MAP4K4: variants seen among roughly 807,000 people sequenced by gnomAD.
MAP4K4 encodes mitogen-activated protein kinase kinase kinase kinase 4, also known as HPK/GCK-like kinase HGK.
Under a neutral mutation model 189.6 loss-of-function variants are expected in MAP4K4, and 38 were observed. The observed-to-expected ratio is 0.20, with a 90% confidence interval of 0.15 to 0.26. The LOEUF (loss-of-function observed/expected upper bound fraction) is 0.26. Among genes scored for constraint, MAP4K4 ranks in the 10% least tolerant of loss-of-function variants. The pLI is 1.00. For missense variants in MAP4K4, 1,054 were observed against 1,726.9 expected (o/e 0.61, Z 6.91); for synonymous variants, 610 against 624.3 (o/e 0.98, Z 0.34).
rs531443118 is a variant in MAP4K4 at position 101,741,974 on chromosome 2, A to G, written c.123+43436A>G. 2.7e-4 allele frequency among the ~76,000 whole-genome samples: 41 copies of G among 152,194 alleles called. No individual in the cohort carries two copies. In the East Asian group the frequency reaches 8.0e-3, roughly 30 times the overall value. On this transcript the variant is annotated intron_variant, in intron 2 of 32. Transcript: ENST00000324219. Reference sequence around the variant, plus strand: ...TGCTAGATAGTGCGGCTGAAAGGTGAGTGTGTGTTTGTAGATGGTTTAGTG... The same window carrying G: ...TGCTAGATAGTGCGGCTGAAAGGTGGGTGTGTGTTTGTAGATGGTTTAGTG...
intron 2 of MAP4K4, among the ~76,000 whole-genome samples, chr2:101,729,301 C>T (rs2057346408): frequency 6.6e-6 from 1 of 152,060 alleles, no homozygotes. Flanking sequence ...GTGGACAGTG[C>T]TCCGTAGTAC....
intron 3 of MAP4K4, among the ~76,000 whole-genome samples, chr2:101,814,541 A>G (rs1576091441): frequency 6.6e-6 from 1 of 152,232 alleles, no homozygotes; most frequent in Non-Finnish European, 1.5e-5. Context: ...ATGATCCACA[A>G]TGAAGAGAAT....
intron 2 of MAP4K4, among the ~76,000 whole-genome samples, chr2:101,782,131 A>G (rs552680089): frequency 6.6e-6 from 1 of 152,368 alleles, no homozygotes; most frequent in South Asian, 2.1e-4. Flanking sequence ...CAGGGTTTAG[A>G]AAGATTTCCA....
intron 2 of MAP4K4, among the ~76,000 whole-genome samples, chr2:101,704,771 G>A (rs1166784919): frequency 6.6e-6 from 1 of 151,358 alleles, no homozygotes; most frequent in East Asian, 1.9e-4. Context: ...TATTGGCCAG[G>A]CTGGTCTCGA....
At chr2:101,847,589 A>G (rs1388849832) in intron 12 of MAP4K4, among the ~76,000 whole-genome samples, 1 of 152,252 alleles carries the variant, frequency 6.6e-6, no homozygotes, top group African/African-American at 2.4e-5. Context: ...AAACATTTTA[A>G]TTAGGAAAAA....
chr2:101,877,437 G>A (rs2150134443), intron 27 of MAP4K4, among the ~76,000 whole-genome samples: 1 of 150,098 alleles, frequency 6.7e-6, no homozygotes, highest in East Asian at 2.0e-4. Flanking sequence ...CATTTGCCTT[G>A]TCCAATATGT....
At chr2:101,794,565 A>G (rs1422730688) in intron 3 of MAP4K4, among the ~76,000 whole-genome samples, 2 of 152,236 alleles carry the variant, frequency 1.3e-5, no homozygotes, top group South Asian at 2.1e-4. Flanking sequence ...GTTATTGAAA[A>G]TAATTACAGC....
At chr2:101,757,679 T>G (rs915934744) in intron 2 of MAP4K4, among the ~76,000 whole-genome samples, 12 of 152,180 alleles carry the variant, frequency 7.9e-5, no homozygotes, top group African/African-American at 2.9e-4. Context: ...AAAATTTAAT[T>G]TGTAAGTTAG....
At chr2:101,882,772 A>C (rs1476494272) in intron 28 of MAP4K4, 87 bp downstream of exon 28, 1 of 1,308,812 alleles carries the variant, frequency 7.6e-7, no homozygotes, top group African/African-American at 1.5e-5. Flanking sequence ...GGTTTTTTGA[A>C]GTTTGTAATA....
chr2:101,888,869 C>T lies in MAP4K4; in HGVS notation c.4005C>T (p.His1335=), dbSNP rs1292676850. The change falls in exon 32 of 33, where the codon CAC becomes CAT. Residue 1335 remains histidine, a synonymous_variant. Coordinates refer to ENST00000324219, the Ensembl canonical transcript of MAP4K4. ...AGATCCGATCTGTGGAAACTGGTCA[C>T]TTGGATGGTGTGTTCATGCACAAAA... 3 of 1,613,550 alleles carry T rather than the reference C, an allele frequency of 1.9e-6. No individual in the cohort carries two copies. The African/African-American group carries it at 4.0e-5, about 22-fold the overall frequency.
chr2:101,818,826 G>A (rs1467541228), intron 3 of MAP4K4, among the ~76,000 whole-genome samples: 1 of 152,140 alleles, frequency 6.6e-6, no homozygotes, highest in South Asian at 2.1e-4. Flanking sequence ...GCTTCCACTG[G>A]TTAAAGTCCA....
chr2:101,707,781 C>T (rs1031613681), intron 2 of MAP4K4, among the ~76,000 whole-genome samples: 2 of 150,910 alleles, frequency 1.3e-5, no homozygotes, highest in African/African-American at 2.4e-5. Flanking sequence ...AGTTCTGCCT[C>T]CCGGGTTCAC....
chr2:101,885,059 C>CT, intron 28 of MAP4K4, 128 bp from the exon 29 acceptor site: 1 of 461,264 alleles, frequency 2.2e-6, no homozygotes, highest in Non-Finnish European at 3.9e-6. Flanking sequence ...TGAATTTTTC[C>CT]CCTGCTTGTT....
chr2:101,881,253 C>T (rs1285309970), intron 27 of MAP4K4, among the ~76,000 whole-genome samples: 3 of 152,070 alleles, frequency 2.0e-5, no homozygotes, highest in Non-Finnish European at 2.9e-5. Flanking sequence ...GTGTTGTAGT[C>T]TTAATTTCAA....
intron 3 of MAP4K4, among the ~76,000 whole-genome samples, chr2:101,812,869 T>C (rs1448765882): frequency 6.6e-6 from 1 of 152,220 alleles, no homozygotes; most frequent in East Asian, 1.9e-4. Context: ...GGCTCACGCC[T>C]GTAATCCCAG....
chr2:101,870,540 G>T, intron 23 of MAP4K4, 125 bp downstream of exon 23: 1 of 1,358,554 alleles, frequency 7.4e-7, no homozygotes, highest in South Asian at 1.4e-5. Context: ...GTCCCAGAGG[G>T]TCAAGTGTCG....
At chr2:101,892,666 A>G (rs1253706144) in exon 33 of MAP4K4, 1 of 325,600 alleles carries the variant, frequency 3.1e-6, no homozygotes, top group East Asian at 8.1e-5. Flanking sequence ...TAAAGTGGGC[A>G]TCTTCTGTGT....
At chr2:101,698,328 G>A in intron 1 of MAP4K4, 145 bp from the exon 2 acceptor site, 1 of 810,530 alleles carries the variant, frequency 1.2e-6, no homozygotes, top group South Asian at 1.5e-5. Context: ...CCCCGAGCCC[G>A]CCGCGCGACC....
chr2:101,838,756 G>A (rs2096836274), intron 9 of MAP4K4, among the ~76,000 whole-genome samples: 1 of 152,224 alleles, frequency 6.6e-6, no homozygotes, highest in Non-Finnish European at 1.5e-5. Flanking sequence ...TTGAAAAAAA[G>A]TAAGTTTTAA....
Sources: allele counts gnomAD v4.1 joint callset (sites outside exome capture counted in the v4.1 genomes callset), GRCh38; gene constraint gnomAD v4.1.1; transcripts MANE v1.5; gene names NCBI Gene and HGNC (gene_info 2026-07-23, HGNC 2026-07-21).